Variants in EYS observed in about 807,000 individuals in gnomAD.
EYS encodes the protein protein eyes shut homolog.
Under a neutral mutation model 282.1 loss-of-function variants are expected in EYS, and 250 were observed. That is an observed-to-expected ratio of 0.89 (90% CI 0.80 to 0.98). EYS has a LOEUF of 0.98. EYS is among the 50% of genes least tolerant of loss of function. The pLI, the probability that EYS is intolerant of heterozygous loss-of-function variation, is 0.00. For synonymous variants in EYS, 1,355 were observed against 1,282.9 expected (o/e 1.06, Z -1.20); for missense variants, 4,016 against 3,709.0 (o/e 1.08, Z -2.15).
intron 10 of EYS, among the ~76,000 whole-genome samples, chr6:65,343,555 A>G (rs896981595): frequency 2.6e-5 from 4 of 151,298 alleles, no homozygotes; most frequent in African/African-American, 9.7e-5. Context: ...TTCTTGCCAT[A>G]GGCCTCACAA....
chr6:64,858,829 A>G (rs1483938587), intron 19 of EYS, among the ~76,000 whole-genome samples: 1 of 152,188 alleles, frequency 6.6e-6, no homozygotes, highest in Non-Finnish European at 1.5e-5. Context: ...CATAAAGGGA[A>G]TGTACCTCAA....
At position 65,495,232 on chromosome 6, in the gene EYS, A is replaced by C. The variant is rs940403816; in HGVS notation, c.179T>G (p.Leu60Trp). The change falls in exon 4 of 43, where the codon TTG (leucine) becomes TGG (tryptophan). Residue 60 changes from leucine (L) to tryptophan (W), a missense_variant. By Grantham distance (61) the Leu-to-Trp change is moderately conservative (BLOSUM62 -2). Transcript: ENST00000503581. ...AGTATCTATTTTAGTGTTTACACCC[A>C]AAAACCAGCAATCTCTGTAGAAGTC... The part of the protein sequence containing the change: ...CLDFYRDCWF[L>W]GVNTKIDTSG... 3.7e-6 allele frequency: 6 copies of C among 1,613,926 alleles called. No homozygotes were observed. In the African/African-American group the frequency reaches 5.3e-5, roughly 14 times the overall value.
chr6:65,042,610 AT>A (rs1474923174), intron 13 of EYS, among the ~76,000 whole-genome samples: 1 of 151,334 alleles, frequency 6.6e-6, no homozygotes, highest in Non-Finnish European at 1.5e-5. Flanking sequence ...AATTTATCAC[AT>A]TTGCTATATT....
intron 2 of EYS, among the ~76,000 whole-genome samples, chr6:65,546,260 C>T (rs972712): frequency 0.75 from 110,666 of 148,382 alleles, 42,068 homozygotes; most frequent in African/African-American, 0.89. Flanking sequence ...AATTCCTGCT[C>T]AAGCTATCTG....
rs145603725 is a variant in EYS at position 64,202,122 on chromosome 6, A to G, written c.6424+28470T>C. On this transcript the variant is annotated intron_variant, in intron 31 of 42. Coordinates refer to ENST00000503581, the MANE Select transcript of EYS (RefSeq NM_001142800.2). ...AGCAATGGTTATGGATTCCCTACTC[A>G]TTTCTTCTGCTATAACCTTAGGAGT... Among the ~76,000 whole-genome samples, 30 of 152,128 alleles carry G rather than the reference A, an allele frequency of 2.0e-4. 1 individual carries two copies. In the South Asian group the frequency reaches 2.7e-3, roughly 14 times the overall value.
At chr6:65,643,450 G>C (rs1767347815) in intron 1 of EYS, among the ~76,000 whole-genome samples, 1 of 152,060 alleles carries the variant, frequency 6.6e-6, no homozygotes, top group Non-Finnish European at 1.5e-5. Flanking sequence ...TCTCTAACCA[G>C]TGTAGTTGCC....
chr6:64,384,126 C>T (rs1772835360), intron 29 of EYS, among the ~76,000 whole-genome samples: 1 of 152,106 alleles, frequency 6.6e-6, no homozygotes, highest in South Asian at 2.1e-4. Flanking sequence ...ATTTTGATGG[C>T]TAATGATTGA....
In EYS at chr6:65,394,665, T is replaced by A. The variant is rs74695943; in HGVS notation, c.1184+7813A>T. Among the ~76,000 whole-genome samples, 1,410 of 152,214 alleles carry A rather than the reference T, an allele frequency of 9.3e-3. 31 individuals carry two copies. The highest frequency in any genetic ancestry group is 0.032 in the African/African-American group (1,329 of 41,526). On this transcript the variant is annotated intron_variant, in intron 7 of 42. Transcript: ENST00000503581. The stretch of plus-strand genomic sequence containing the variant: ...TTGAGGCCATTAAAATTAATCCCTT[T>A]TTACCATTACCTCAGATATCCCAGG...
intron 16 of EYS, 125 bp from the exon 17 acceptor site, chr6:64,902,625 C>T: frequency 1.8e-6 from 1 of 556,634 alleles, no homozygotes; most frequent in Non-Finnish European, 3.0e-6. Flanking sequence ...AAAATAATTA[C>T]TCTCAAGCTT....
intron 30 of EYS, among the ~76,000 whole-genome samples, chr6:64,276,467 C>G (rs1424591366): frequency 6.6e-6 from 1 of 152,082 alleles, no homozygotes; most frequent in Non-Finnish European, 1.5e-5. Flanking sequence ...TGTAATAATT[C>G]TAATTATCAA....
At chr6:63,980,786 T>G (rs183764334) in intron 35 of EYS, among the ~76,000 whole-genome samples, 301 of 151,888 alleles carry the variant, frequency 2.0e-3, no homozygotes, top group Middle Eastern at 0.01. Flanking sequence ...TGGCATGGAC[T>G]GAGGGAAAAA....
intron 35 of EYS, among the ~76,000 whole-genome samples, chr6:63,875,140 T>C (rs1047855337): frequency 7.2e-5 from 11 of 152,322 alleles, no homozygotes; most frequent in African/African-American, 2.2e-4. Flanking sequence ...TTTTGAGATA[T>C]GTCCCATCAA....
At chr6:64,788,902 TG>T (rs1774100086) in intron 22 of EYS, among the ~76,000 whole-genome samples, 1 of 152,206 alleles carries the variant, frequency 6.6e-6, no homozygotes, top group African/African-American at 2.4e-5. Flanking sequence ...TTGTGGAGTT[TG>T]TAGTGGTAAA....
chr6:64,260,374 C>T (rs1767548276), intron 30 of EYS, among the ~76,000 whole-genome samples: 1 of 152,192 alleles, frequency 6.6e-6, no homozygotes, highest in Non-Finnish European at 1.5e-5. Context: ...ATGTCTCCCA[C>T]AGGTGGATTT....
At chr6:64,523,909 T>A (rs1295584137) in intron 26 of EYS, among the ~76,000 whole-genome samples, 3 of 151,780 alleles carry the variant, frequency 2.0e-5, no homozygotes, top group African/African-American at 7.2e-5. Flanking sequence ...TGAAATTTTA[T>A]CTATATAAAT....
At chr6:65,401,565 G>A (rs1582243747) in intron 7 of EYS, among the ~76,000 whole-genome samples, 1 of 151,334 alleles carries the variant, frequency 6.6e-6, no homozygotes, top group East Asian at 1.9e-4. Flanking sequence ...TTGACAGAAT[G>A]GATTACAGTT....
chr6:64,667,535 A>C (rs1377293640), intron 22 of EYS, among the ~76,000 whole-genome samples: 4 of 151,576 alleles, frequency 2.6e-5, no homozygotes, highest in Admixed American at 6.6e-5. Context: ...CTATTTCCTT[A>C]TATATTTTAT....
At chr6:65,030,938 A>G (rs1772582394) in intron 13 of EYS, among the ~76,000 whole-genome samples, 3 of 152,112 alleles carry the variant, frequency 2.0e-5, no homozygotes, top group Non-Finnish European at 4.4e-5. Context: ...ATAGCCTCAA[A>G]CTAAAGAGAT....
rs546079821 is a variant in EYS, at chr6:64,446,117, GT to G, written c.5645-6766del. 1.8e-4 allele frequency among the ~76,000 whole-genome samples: 28 copies of G among 152,280 alleles called. No homozygotes were observed. In the South Asian group the frequency reaches 5.8e-3, roughly 32 times the overall value. On this transcript the variant is annotated intron_variant, in intron 26 of 42. Coordinates refer to ENST00000503581, the MANE Select transcript of EYS (RefSeq NM_001142800.2). ...CTTTATTTCTAGAAACTCATATGGA[GT>G]TTAAGGATGAGTCTAGCCATTTAAA... is the stretch of plus-strand genomic sequence containing the variant.
Sources: gnomAD v4.1 joint callset for allele counts (sites outside exome capture counted in the v4.1 genomes callset) on GRCh38, gnomAD v4.1.1 for gene constraint, MANE v1.5 for transcripts, NCBI Gene and HGNC (gene_info 2026-07-23, HGNC 2026-07-21) for gene names.